Variants in SAMD10 observed in about 807,000 individuals in gnomAD.
SAMD10 encodes the protein sterile alpha motif domain containing 10, also known as sterile alpha motif domain-containing protein 10.
A neutral mutation model predicts 22.5 loss-of-function variants in SAMD10; 16 were observed. The ratio of observed to expected loss-of-function variants is 0.71; its 90% CI spans 0.48 to 1.08. The LOEUF (loss-of-function observed/expected upper bound fraction) is 1.08. Among genes scored for constraint, SAMD10 ranks in the 50% least tolerant of loss-of-function variants. The pLI is 0.00. For missense variants in SAMD10, 227 were observed against 281.3 expected (o/e 0.81, Z 1.38); for synonymous variants, 118 against 122.2 (o/e 0.97, Z 0.23).
In SAMD10 at chr20:63,975,415, A is replaced by G. The variant is rs904604778; in HGVS notation, c.*95T>C. The G allele has an allele frequency of 8.7e-6, 13 of 1,501,550 alleles. No homozygotes were observed. Among genetic ancestry groups the G allele is most frequent in the African/African-American group, 1.4e-5 (1 of 70,932 alleles). The allele number at this position is 1,501,550 out of a possible 1,614,324, so 93.0% of individuals were successfully genotyped here. A position where few individuals can be genotyped will look rare whatever the true frequency, so the allele number is the denominator to read the frequency against. The stretch of plus-strand genomic sequence containing the variant: ...CAGCCTGGCCGCCCCGGCATCCCGC[A>G]GGGTCCAAGAGGCGCTGCGGGGCCA... On this transcript the variant is annotated 3_prime_UTR_variant, in exon 5 of 5. Coordinates refer to ENST00000369886, the MANE Select transcript of SAMD10 (RefSeq NM_080621.5).
Position 63,977,541 on chromosome 20 carries a change from T to A in SAMD10, c.92-135A>T. The stretch of plus-strand genomic sequence containing the variant: ...CTCCCCAATGAGGGGTTCCCAAGCC[T>A]CCAAAGGCAGAAGGAAGTGTGCAGG... On this transcript the variant is annotated intron_variant, in intron 1 of 4. Coordinates refer to ENST00000369886, the MANE Select transcript of SAMD10 (RefSeq NM_080621.5). This position sits in a 1 kb window ranked among gnomAD's most constrained non-coding sequence, Gnocchi z 5.4. 1.1e-6 allele frequency: 1 copy of A among 873,316 alleles called. No individual in the cohort carries two copies. The highest frequency in any genetic ancestry group is 1.8e-6 in the Non-Finnish European group (1 of 565,940). 54.1% of individuals were successfully genotyped at this position (873,316 alleles called of 1,614,324 possible).
At position 63,977,737 on chromosome 20, in the gene SAMD10, G is replaced by A. The variant is rs1471373506; in HGVS notation, c.92-331C>T. 6.6e-6 allele frequency among the ~76,000 whole-genome samples: 1 copy of A among 152,238 alleles called. No individual in the cohort carries two copies. Among genetic ancestry groups the A allele is most frequent in the Admixed American group, 6.5e-5 (1 of 15,282 alleles). The stretch of plus-strand genomic sequence containing the variant: ...TGACAAGAGGAGCTATCCTGGGACA[G>A]CCCTGACCTCACCCTTGCCTTGGGC... On this transcript the variant is annotated intron_variant, in intron 1 of 4. Coordinates refer to ENST00000369886, the MANE Select transcript of SAMD10 (RefSeq NM_080621.5). The surrounding 1 kb of genome is among the most constrained non-coding windows in gnomAD (Gnocchi z 5.4).
rs2059045847 is a variant in SAMD10, at chr20:63,979,217, G to T, written c.91+160C>A. Among the ~76,000 whole-genome samples the T allele has an allele frequency of 6.6e-6, 1 of 151,926 alleles. No homozygotes were observed. Among genetic ancestry groups the T allele is most frequent in the South Asian group, 2.1e-4 (1 of 4,828 alleles). Reference sequence around the variant, plus strand: ...GGCCTGAGGCTGGCTGCCCCCTAAAGCAGGACAAAGGCTACGGGACCCCGT... The same window carrying T: ...GGCCTGAGGCTGGCTGCCCCCTAAATCAGGACAAAGGCTACGGGACCCCGT... On this transcript the variant is annotated intron_variant, in intron 1 of 4. Transcript: ENST00000369886. This position sits in a 1 kb window ranked among gnomAD's most constrained non-coding sequence, Gnocchi z 7.7.
chr20:63,977,181 G>A lies in SAMD10; in HGVS notation c.274-39C>T, dbSNP rs940050896. 7.4e-6 allele frequency: 12 copies of A among 1,612,896 alleles called. No individual in the cohort carries two copies. In the Admixed American group the frequency reaches 1.5e-4, roughly 20 times the overall value. ...GCGTGGCAGGCAGAGTGAGAGTGGT[G>A]GAGAAGGAGGGCAGGGACGGAGGTG... On this transcript the variant is annotated intron_variant, in intron 2 of 4. Coordinates refer to ENST00000369886, the MANE Select transcript of SAMD10 (RefSeq NM_080621.5). This position sits in a 1 kb window ranked among gnomAD's most constrained non-coding sequence, Gnocchi z 5.4.
In SAMD10 at chr20:63,976,813, GAC is replaced by G. The variant is rs1369931968; in HGVS notation, c.445+156_445+157del. The stretch of plus-strand genomic sequence containing the variant: ...AAAAGAAAGGCAGAGAGATAGAAAA[GAC>G]AGATTCTGCGGAGATGAAGAACAGA... On this transcript the variant is annotated intron_variant, in intron 3 of 4. Coordinates refer to ENST00000369886, the MANE Select transcript of SAMD10 (RefSeq NM_080621.5). Among the ~76,000 whole-genome samples, 3 of 130,018 alleles carry G rather than the reference GAC, an allele frequency of 2.3e-5. No homozygotes were observed. In the East Asian group the frequency reaches 6.9e-4, roughly 30 times the overall value. 85.3% of individuals were successfully genotyped at this position (130,018 alleles called of 152,430 possible).
intron 3 of SAMD10, among the ~76,000 whole-genome samples, chr20:63,976,695 G>A (rs1160957971): frequency 7.3e-6 from 1 of 137,490 alleles, no homozygotes; most frequent in Non-Finnish European, 1.5e-5. Context: ...CTGGCAGGCA[G>A]AGGATGTGGT....
chr20:63,974,981 G>C lies in SAMD10; in HGVS notation c.*529C>G, dbSNP rs1190890238. 5.9e-6 allele frequency: 1 copy of C among 169,816 alleles called. No individual in the cohort carries two copies. The highest frequency in any genetic ancestry group is 2.4e-5 in the African/African-American group (1 of 41,544). The allele number at this position is 169,816 out of a possible 1,614,324, so 10.5% of individuals were successfully genotyped here. A position where few individuals can be genotyped will look rare whatever the true frequency, so the allele number is the denominator to read the frequency against. Reference sequence around the variant, plus strand: ...TGATGGCCACTACTCTAGATGATGGGTTGGCCTGCTGGGCCCTGGCAGGTG... The same window carrying C: ...TGATGGCCACTACTCTAGATGATGGCTTGGCCTGCTGGGCCCTGGCAGGTG... On this transcript the variant is annotated 3_prime_UTR_variant, in exon 5 of 5. Transcript: ENST00000369886.
At chr20:63,978,513 A>T (rs1387115874) in intron 1 of SAMD10, among the ~76,000 whole-genome samples, 1 of 151,900 alleles carries the variant, frequency 6.6e-6, no homozygotes, top group African/African-American at 2.4e-5. Flanking sequence ...AGACTCAGCC[A>T]CCCACTCCAC....
chr20:63,977,907 G>T lies in SAMD10; in HGVS notation c.92-501C>A, dbSNP rs1461133278. Among the ~76,000 whole-genome samples the T allele has an allele frequency of 6.6e-6, 1 of 152,222 alleles. No homozygotes were observed. Among genetic ancestry groups the T allele is most frequent in the Non-Finnish European group, 1.5e-5 (1 of 68,040 alleles). On this transcript the variant is annotated intron_variant, in intron 1 of 4. Coordinates refer to ENST00000369886, the MANE Select transcript of SAMD10 (RefSeq NM_080621.5). This position sits in a 1 kb window ranked among gnomAD's most constrained non-coding sequence, Gnocchi z 5.4. ...TGCTGCTTGCCCATCGCCACTGAAG[G>T]CACCCAGTTCACACAGCCCTATCTG...
upstream of SAMD10, chr20:63,979,784 T>C: frequency 1.4e-6 from 1 of 729,836 alleles, no homozygotes; most frequent in Non-Finnish European, 1.7e-6. This position sits in a 1 kb window ranked among gnomAD's most constrained non-coding sequence, Gnocchi z 7.7. Flanking sequence ...CTGCCGGGCG[T>C]CCTCTGAGGT....
upstream of SAMD10, chr20:63,979,670 T>G: frequency 1.0e-6 from 1 of 984,948 alleles, no homozygotes; most frequent in Non-Finnish European, 1.2e-6. This position sits in a 1 kb window ranked among gnomAD's most constrained non-coding sequence, Gnocchi z 7.7. Context: ...AGCTCCGAGG[T>G]GTGTCGGCGG....
In SAMD10 at chr20:63,975,545, A is replaced by G; in HGVS notation, c.587-13T>C. 3.1e-6 allele frequency: 5 copies of G among 1,604,736 alleles called. No individual in the cohort carries two copies. The highest frequency in any genetic ancestry group is 4.2e-6 in the Non-Finnish European group (5 of 1,177,324). ...TTCCCGAAGGAAGCTGTGTGATGGA[A>G]GAGGGTGAGAATGGGGTGGGGTCTT... is the stretch of plus-strand genomic sequence containing the variant. On this transcript the variant is annotated splice_polypyrimidine_tract_variant and intron_variant, in intron 4 of 4. Coordinates refer to ENST00000369886, the MANE Select transcript of SAMD10 (RefSeq NM_080621.5).
At position 63,979,620 on chromosome 20, in the gene SAMD10, G is replaced by C. The variant is rs2059050630; in HGVS notation, c.-153C>G. ...GCGGCCCGCGAGTGTGCGCGACGAGGCACCTGCCGCCGAGCCCTGTGTGCC... is the reference window on the plus strand; with the variant it reads ...GCGGCCCGCGAGTGTGCGCGACGAGCCACCTGCCGCCGAGCCCTGTGTGCC... On this transcript the variant is annotated 5_prime_UTR_variant, in exon 1 of 5. Transcript: ENST00000369886. This position sits in a 1 kb window ranked among gnomAD's most constrained non-coding sequence, Gnocchi z 7.7. The C allele has an allele frequency of 1.0e-6, 1 of 984,794 alleles. No individual in the cohort carries two copies. The highest frequency in any genetic ancestry group is 1.2e-6 in the Non-Finnish European group (1 of 830,010). 61.0% of individuals were successfully genotyped at this position (984,794 alleles called of 1,614,324 possible).
chr20:63,979,390 G>T lies in SAMD10; in HGVS notation c.78C>A (p.Arg26=). The T allele has an allele frequency of 1.3e-6, 2 of 1,489,422 alleles. No homozygotes were observed. The highest frequency in any genetic ancestry group is 1.8e-6 in the Non-Finnish European group (2 of 1,126,054). 92.3% of individuals were successfully genotyped at this position (1,489,422 alleles called of 1,614,324 possible). Residue 26 remains arginine (R), a synonymous_variant, in exon 1 of 5, where the codon CGC becomes CGA. Coordinates refer to ENST00000369886, the MANE Select transcript of SAMD10 (RefSeq NM_080621.5). This position sits in a 1 kb window ranked among gnomAD's most constrained non-coding sequence, Gnocchi z 7.7. ...AGAVRAGFGE[R]RDVDATAHFS... is the part of the protein sequence containing the mutation. ...AGCCCCGCTCACCGTCCACATCCCG[G>T]CGCTCCCCGAAGCCCGCGCGCACGG...
At chr20:63,976,831 G>A (rs1472600667) in intron 3 of SAMD10, 140 bp downstream of exon 3, 1 of 548,032 alleles carries the variant, frequency 1.8e-6, no homozygotes, top group Admixed American at 3.1e-5. Flanking sequence ...CTGCGGAGAT[G>A]AAGAACAGAG....
At chr20:63,978,344 T>C (rs756973542) in intron 1 of SAMD10, 82 of 1,294,112 alleles carry the variant, frequency 6.3e-5, no homozygotes, top group Middle Eastern at 2.4e-4. Flanking sequence ...CTGTATGGTA[T>C]CTGCAAGTGA....
intron 4 of SAMD10, 79 bp from the exon 5 acceptor site, chr20:63,975,611 C>G (rs1368796894): frequency 5.1e-6 from 8 of 1,579,282 alleles, no homozygotes; most frequent in Non-Finnish European, 6.0e-6. Context: ...GGCCTGCAGC[C>G]GACCTCCTGA....
upstream of SAMD10, chr20:63,979,688 G>T: frequency 1.0e-6 from 1 of 985,264 alleles, no homozygotes; most frequent in South Asian, 4.7e-5. This position sits in a 1 kb window ranked among gnomAD's most constrained non-coding sequence, Gnocchi z 7.7. Context: ...CGGCGCGCGG[G>T]CCTGCGTGCA....
chr20:63,978,237 C>G, intron 1 of SAMD10: 2 of 1,132,804 alleles, frequency 1.8e-6, no homozygotes, highest in Non-Finnish European at 2.4e-6. Context: ...TCTGGGGGCA[C>G]TGCTGACCTG....
Sources: gnomAD v4.1 joint callset for allele counts (sites outside exome capture counted in the v4.1 genomes callset) on GRCh38, gnomAD v4.1.1 for gene constraint, Gnocchi (gnomAD v3.1) non-coding constraint, MANE v1.5 for transcripts, NCBI Gene and HGNC (gene_info 2026-07-23, HGNC 2026-07-21) for gene names.